Variants in CD84 observed in about 807,000 individuals in gnomAD.
CD84 encodes the protein SLAM family member 5.
Under a neutral mutation model 33.8 loss-of-function variants are expected in CD84, and 22 were observed. The ratio of observed to expected loss-of-function variants is 0.65; its 90% CI spans 0.46 to 0.93. The LOEUF is 0.93. CD84 is among the 40% of genes least tolerant of loss of function. The pLI, the probability that CD84 is intolerant of heterozygous loss-of-function variation, is 0.00. For missense variants in CD84, 400 were observed against 397.6 expected, an observed-to-expected ratio of 1.01 and a Z score of -0.05; for synonymous variants, 154 against 145.2, an observed-to-expected ratio of 1.06 and a Z score of -0.44.
chr1:160,579,321 T>G, intron 1 of CD84, 71 bp downstream of exon 1: 1 of 1,606,796 alleles, frequency 6.2e-7, no homozygotes. Flanking sequence ...GACAGTTCAA[T>G]GTCTTCCTTA....
Position 160,546,617 on chromosome 1 carries a change from C to G in CD84, c.*1639G>C, listed in dbSNP as rs1005926842. The G allele has an allele frequency of 1.3e-5, 2 of 152,428 alleles. No homozygotes were observed. The highest frequency in any genetic ancestry group is 4.8e-5 in the African/African-American group (2 of 41,438). The allele number at this position is 152,428 out of a possible 1,614,324, so 9.4% of individuals were successfully genotyped here. A position where few individuals can be genotyped will look rare whatever the true frequency, so the allele number is the denominator to read the frequency against. On this transcript the variant is annotated 3_prime_UTR_variant, in exon 7 of 7. Coordinates refer to ENST00000368054, the MANE Select transcript of CD84 (RefSeq NM_003874.4). Reference sequence around the variant, plus strand: ...GGTGCTCTGAATACACCCCACTGATCCAGGCCCCTGCTCATTTTTCATGCT... The same window carrying G: ...GGTGCTCTGAATACACCCCACTGATGCAGGCCCCTGCTCATTTTTCATGCT...
In CD84 at chr1:160,548,073, A is replaced by G. The variant is rs1278303592; in HGVS notation, c.*183T>C. The G allele has an allele frequency of 1.6e-6, 1 of 628,888 alleles. No individual in the cohort carries two copies. 39.0% of individuals were successfully genotyped at this position (628,888 alleles called of 1,614,324 possible). On this transcript the variant is annotated 3_prime_UTR_variant, in exon 7 of 7. Transcript: ENST00000368054. Reference sequence around the variant, plus strand: ...GGGAGTCATTTCAGGAAGGGTATGCATCCATTTGTCCATTTAGGCACAAGC... The same window carrying G: ...GGGAGTCATTTCAGGAAGGGTATGCGTCCATTTGTCCATTTAGGCACAAGC...
intron 4 of CD84, 89 bp downstream of exon 4, chr1:160,553,289 G>T (rs778545326): frequency 3.1e-6 from 5 of 1,606,716 alleles, no homozygotes; most frequent in Non-Finnish European, 4.3e-6. Context: ...TGGAACAATG[G>T]GCCTTTCAGC....
In CD84 at chr1:160,553,230, C is replaced by T. The variant is rs531759989; in HGVS notation, c.760+148G>A. ...GGTAATGTCATACCATCCTCAGAGC[C>T]ATCATTCTGGGAGGTGGTGGGGTGG... On this transcript the variant is annotated intron_variant, in intron 4 of 6. Coordinates refer to ENST00000368054, the MANE Select transcript of CD84 (RefSeq NM_003874.4). 87 of 1,261,626 alleles carry T rather than the reference C, an allele frequency of 6.9e-5. 2 individuals are homozygous for T. The South Asian group carries it at 1.1e-3, about 16-fold the overall frequency. The allele number at this position is 1,261,626 out of a possible 1,614,324, so 78.2% of individuals were successfully genotyped here.
chr1:160,554,427 C>T (rs1467706746), intron 2 of CD84, among the ~76,000 whole-genome samples: 17 of 152,132 alleles, frequency 1.1e-4, no homozygotes, highest in Non-Finnish European at 2.1e-4. Flanking sequence ...TCTAATTCTG[C>T]ATGTCTTAAA....
At chr1:160,576,332 ATT>A (rs2102214420) in intron 1 of CD84, among the ~76,000 whole-genome samples, 1 of 152,304 alleles carries the variant, frequency 6.6e-6, no homozygotes, top group Non-Finnish European at 1.5e-5. Flanking sequence ...TTGGACTTTT[ATT>A]TGTTTAAAGA....
intron 1 of CD84, among the ~76,000 whole-genome samples, chr1:160,572,110 T>A (rs935874671): frequency 1.9e-4 from 29 of 152,214 alleles, no homozygotes; most frequent in Admixed American, 1.8e-3. Flanking sequence ...TTGAGCCAGG[T>A]GGGCTTGTGC....
Position 160,546,773 on chromosome 1 carries a change from G to A in CD84, c.*1483C>T, listed in dbSNP as rs149702017. On this transcript the variant is annotated 3_prime_UTR_variant, in exon 7 of 7. Transcript: ENST00000368054. ...GTTCATGCTATTACTTGCAGCTGCA[G>A]TTCAGCGTTAACTGTAGTGTCTGTG... 6.5e-4 allele frequency: 130 copies of A among 200,062 alleles called. No individual in the cohort carries two copies. The highest frequency in any genetic ancestry group is 2.9e-3 in the African/African-American group (125 of 43,538). 12.4% of individuals were successfully genotyped at this position (200,062 alleles called of 1,614,324 possible). A position where few individuals can be genotyped will look rare whatever the true frequency, so the allele number is the denominator to read the frequency against.
chr1:160,550,846 T>C, intron 5 of CD84, 92 bp downstream of exon 5: 1 of 1,588,628 alleles, frequency 6.3e-7, no homozygotes, highest in Non-Finnish European at 8.6e-7. Context: ...GTGGCTGCTT[T>C]CTAGACAACA....
intron 2 of CD84, among the ~76,000 whole-genome samples, chr1:160,560,908 A>G (rs1257104452): frequency 6.6e-6 from 1 of 152,190 alleles, no homozygotes; most frequent in African/African-American, 2.4e-5. Flanking sequence ...AAATGGATAA[A>G]TTCCTGGACA....
chr1:160,566,668 T>C (rs1382737613), intron 1 of CD84, among the ~76,000 whole-genome samples: 1 of 152,176 alleles, frequency 6.6e-6, no homozygotes, highest in Non-Finnish European at 1.5e-5. Context: ...ATACCAATGT[T>C]GATCAGATAA....
In CD84 at chr1:160,541,850, T is replaced by C. The variant is rs1042525843; in HGVS notation, c.*6406A>G. On this transcript the variant is annotated 3_prime_UTR_variant, in exon 7 of 7. Transcript: ENST00000368054. Reference sequence around the variant, plus strand: ...TTTAGAAAGATTGCTCTTTATGTAATAGCAACCCAGGTAACACGTGATAAA... The same window carrying C: ...TTTAGAAAGATTGCTCTTTATGTAACAGCAACCCAGGTAACACGTGATAAA... 1.3e-5 allele frequency: 2 copies of C among 152,166 alleles called. No homozygotes were observed. The highest frequency in any genetic ancestry group is 4.8e-5 in the African/African-American group (2 of 41,426). 9.4% of individuals were successfully genotyped at this position (152,166 alleles called of 1,614,324 possible). A position where few individuals can be genotyped will look rare whatever the true frequency, so the allele number is the denominator to read the frequency against.
intron 1 of CD84, among the ~76,000 whole-genome samples, chr1:160,575,933 G>A (rs953811370): frequency 1.3e-5 from 2 of 152,176 alleles, no homozygotes; most frequent in African/African-American, 4.8e-5. Context: ...AGTTATCACA[G>A]GGGGAACAGC....
chr1:160,554,882 C>T (rs533576663), intron 2 of CD84, among the ~76,000 whole-genome samples: 1 of 141,252 alleles, frequency 7.1e-6, no homozygotes, highest in East Asian at 1.9e-4. Context: ...CCTCTAGTGC[C>T]CTCTCAGCAA....
chr1:160,572,180 A>G (rs1415970060), intron 1 of CD84, among the ~76,000 whole-genome samples: 2 of 152,220 alleles, frequency 1.3e-5, no homozygotes, highest in African/African-American at 4.8e-5. Context: ...AAGATGGGCT[A>G]TAATAATGCC....
rs1177013474 is a variant in CD84, at chr1:160,547,625, T to C, written c.*631A>G. ...AAGCCTGTTATGCCCTGCACAAAGATTCCCAGACAAAGGGATGAGTGTGCT... is the reference window on the plus strand; with the variant it reads ...AAGCCTGTTATGCCCTGCACAAAGACTCCCAGACAAAGGGATGAGTGTGCT... On this transcript the variant is annotated 3_prime_UTR_variant, in exon 7 of 7. Transcript: ENST00000368054. 6.2e-6 allele frequency: 1 copy of C among 161,096 alleles called. No individual in the cohort carries two copies. Among genetic ancestry groups the C allele is most frequent in the East Asian group, 1.8e-4 (1 of 5,500 alleles). The allele number at this position is 161,096 out of a possible 1,614,324, so 10.0% of individuals were successfully genotyped here.
chr1:160,569,434 A>G (rs1184500630), intron 1 of CD84, among the ~76,000 whole-genome samples: 1 of 152,110 alleles, frequency 6.6e-6, no homozygotes, highest in African/African-American at 2.4e-5. Context: ...AGGACTTACC[A>G]TGAAATGCAC....
chr1:160,568,954 T>C (rs77304066), intron 1 of CD84, among the ~76,000 whole-genome samples: 1 of 152,200 alleles, frequency 6.6e-6, no homozygotes, highest in African/African-American at 2.4e-5. Context: ...AAATAATAAT[T>C]ATGCTATTTG....
chr1:160,547,930 G>A lies in CD84; in HGVS notation c.*326C>T. 2 of 344,256 alleles carry A rather than the reference G, an allele frequency of 5.8e-6. No homozygotes were observed. The highest frequency in any genetic ancestry group is 1.1e-5 in the Non-Finnish European group (2 of 178,890). 21.3% of individuals were successfully genotyped at this position (344,256 alleles called of 1,614,324 possible). On this transcript the variant is annotated 3_prime_UTR_variant, in exon 7 of 7. Coordinates refer to ENST00000368054, the MANE Select transcript of CD84 (RefSeq NM_003874.4). ...CTAGTCATATGCAGCTTCCAGAAGT[G>A]AGCAATCTTGCTTGTTTATCCCAGT...
Sources: allele counts gnomAD v4.1 joint callset (sites outside exome capture counted in the v4.1 genomes callset), GRCh38; gene constraint gnomAD v4.1.1; transcripts MANE v1.5; gene names NCBI Gene and HGNC (gene_info 2026-07-23, HGNC 2026-07-21).